RECQL5: variants seen among roughly 807,000 people sequenced by gnomAD.
RECQL5 encodes the protein RecQ like helicase 5, also known as ATP-dependent DNA helicase Q5.
Under a neutral mutation model 103.4 loss-of-function variants are expected in RECQL5, and 88 were observed. The observed-to-expected ratio is 0.85, with a 90% CI of 0.72 to 1.02. The LOEUF (loss-of-function observed/expected upper bound fraction) is 1.02, where lower values mean the gene tolerates loss of function less well. RECQL5 is among the 50% of genes least tolerant of loss of function. The pLI is 0.00. For missense variants in RECQL5, 1,232 were observed against 1,284.3 expected (o/e 0.96, Z 0.62); for synonymous variants, 552 against 507.9 (o/e 1.09, Z -1.17).
chr17:75,630,218 A>G lies in RECQL5; in HGVS notation c.1778T>C (p.Val593Ala). Reference protein sequence around the residue: ...LEHETFRNAKVANLYKASVLK... With the variant: ...LEHETFRNAKAANLYKASVLK... ...CACGCTGGCCTTGTAGAGGTTGGCC[A>G]CCTTGGCGTTCCGGAATGTCTCATG... Residue 593 changes from valine to alanine, a missense_variant, in exon 14 of 20, where the codon GTG becomes GCG. Val to Ala is a moderately conservative substitution (Grantham distance 64, BLOSUM62 0). Coordinates refer to ENST00000317905, the MANE Select transcript of RECQL5 (RefSeq NM_004259.7). 1 of 1,558,904 alleles carries G rather than the reference A, an allele frequency of 6.4e-7. No individual in the cohort carries two copies. Among genetic ancestry groups the G allele is most frequent in the Non-Finnish European group, 8.7e-7 (1 of 1,150,568 alleles).
chr17:75,648,817 C>T (rs933179428), intron 8 of RECQL5: 2 of 151,708 alleles, frequency 1.3e-5, no homozygotes. Context: ...GGACTACAGG[C>T]ATGTGCCACC....
rs757746264 is a variant in RECQL5, at chr17:75,629,744, A to T, written c.1911T>A (p.Asn637Lys). The change falls in exon 15 of 20, where the codon AAT becomes AAA. Residue 637 changes from asparagine (N) to lysine (K), a missense_variant. Asn to Lys is a moderately conservative substitution (Grantham distance 94). Coordinates refer to ENST00000317905, the MANE Select transcript of RECQL5 (RefSeq NM_004259.7). ...GGGAGGCTGGTGGAATGTCATACTC[A>T]TTGGGCTCCGGGGGCTCAGCTTGGG... ...CSAQAEPPEP[N>K]EYDIPPASHV... The T allele has an allele frequency of 6.8e-6, 11 of 1,613,150 alleles. No homozygotes were observed.
intron 7 of RECQL5, among the ~76,000 whole-genome samples, chr17:75,652,015 T>C (rs966662090): frequency 2.6e-5 from 4 of 152,010 alleles, no homozygotes; most frequent in African/African-American, 9.7e-5. Context: ...TCACCTGGGG[T>C]CAAGAGTTCG....
At chr17:75,650,608 A>C in intron 8 of RECQL5, 2 of 1,603,834 alleles carry the variant, frequency 1.2e-6, no homozygotes, top group Non-Finnish European at 1.7e-6. Flanking sequence ...CAAAATGTAA[A>C]AACTCCTCCT....
At chr17:75,650,544 G>T in intron 8 of RECQL5, 2 of 1,506,328 alleles carry the variant, frequency 1.3e-6, no homozygotes, top group Non-Finnish European at 1.8e-6. Context: ...TCACGTCAGC[G>T]TCATCCGACA....
Position 75,660,972 on chromosome 17 carries a change from C to T in RECQL5, c.969G>A (p.Val323=). The change falls in exon 6 of 20, where the codon GTG becomes GTA. Residue 323 remains valine, a synonymous_variant. Transcript: ENST00000317905. ...IVATISFGMG[V]DKANVRFVAH... ...AAGCTCACCTGACATTGGCTTTATC[C>T]ACTCCCATCCCAAAACTAATGGTTG... is the stretch of plus-strand genomic sequence containing the variant. 1 of 1,613,760 alleles carries T rather than the reference C, an allele frequency of 6.2e-7. No homozygotes were observed. Among genetic ancestry groups the T allele is most frequent in the East Asian group, 2.2e-5 (1 of 44,888 alleles).
In RECQL5 at chr17:75,651,409, G is replaced by A. The variant is rs570772157; in HGVS notation, c.1150-144C>T. Reference sequence around the variant, plus strand: ...GGCTGAGCCAGGAGGATCATTTGAGGTCAGGAGTTCGAGACCAGCCTGACC... The same window carrying A: ...GGCTGAGCCAGGAGGATCATTTGAGATCAGGAGTTCGAGACCAGCCTGACC... On this transcript the variant is annotated intron_variant, in intron 7 of 19. Coordinates refer to ENST00000317905, the MANE Select transcript of RECQL5 (RefSeq NM_004259.7). 22 of 918,870 alleles carry A rather than the reference G, an allele frequency of 2.4e-5. No homozygotes were observed. The South Asian group carries it at 2.9e-4, about 12-fold the overall frequency. The allele number at this position is 918,870 out of a possible 1,614,324, so 56.9% of individuals were successfully genotyped here.
At chr17:75,662,117 C>A (rs1193150714) in intron 4 of RECQL5, among the ~76,000 whole-genome samples, 1 of 151,978 alleles carries the variant, frequency 6.6e-6, no homozygotes, top group African/African-American at 2.4e-5. Flanking sequence ...GCCAAGATTG[C>A]GCCATTGCAC....
intron 13 of RECQL5, 147 bp downstream of exon 13, chr17:75,630,472 G>C: frequency 1.0e-6 from 1 of 959,300 alleles, no homozygotes; most frequent in Non-Finnish European, 1.6e-6. Context: ...GCCTGGCCCT[G>C]GTGGGGTTGT....
In RECQL5 at chr17:75,630,627, G is replaced by C; in HGVS notation, c.1710C>G (p.Thr570=). 6.2e-7 allele frequency: 1 copy of C among 1,613,596 alleles called. No homozygotes were observed. The highest frequency in any genetic ancestry group is 8.5e-7 in the Non-Finnish European group (1 of 1,179,776). Residue 570 remains threonine (T), a synonymous_variant, in exon 13 of 20, where the codon ACC becomes ACG. Transcript: ENST00000317905. ...GTGATCGTGGAACTCACTCATCAGC[G>C]GTACGTGTTGACTGGCGGTTGCTGC... ...ALSSNRQSTR[T]ADEADLRAKA...
Position 75,662,615 on chromosome 17 carries a change from G to A in RECQL5, c.635C>T (p.Pro212Leu). The A allele has an allele frequency of 6.2e-7, 1 of 1,614,164 alleles. No homozygotes were observed. ...GCAGGGAGTCTTGAAGATGGCAACT[G>A]GTTTCTTCAGGTGCAGGGCAGCAAA... Reference protein sequence around the residue: ...DVFAALHLKKPVAIFKTPCFR... With the variant: ...DVFAALHLKKLVAIFKTPCFR... Residue 212 changes from proline to leucine, a missense_variant, in exon 4 of 20, where the codon CCA becomes CTA. By Grantham distance (98) the Pro-to-Leu change is moderately conservative (BLOSUM62 -3). Transcript: ENST00000317905.
In RECQL5 at chr17:75,629,712, TAC is replaced by T; in HGVS notation, c.1941_1942del (p.Tyr648LeufsTer55). 1 of 1,608,948 alleles carries T rather than the reference TAC, an allele frequency of 6.2e-7. No individual in the cohort carries two copies. The highest frequency in any genetic ancestry group is 8.5e-7 in the Non-Finnish European group (1 of 1,176,340). On this transcript the variant is annotated frameshift_variant, in exon 15 of 20. Transcript: ENST00000317905. LOFTEE classifies it high-confidence loss of function. Reference sequence around the variant, plus strand: ...GGCCACTGGGCCACAGCTCACCGAGTACACATGGGAGGCTGGTGGAATGTCAT... The same window carrying T: ...GGCCACTGGGCCACAGCTCACCGAGTACATGGGAGGCTGGTGGAATGTCAT...
intron 8 of RECQL5, among the ~76,000 whole-genome samples, chr17:75,632,776 T>C (rs1299983485): frequency 1.3e-5 from 2 of 152,218 alleles, no homozygotes; most frequent in East Asian, 1.9e-4. Flanking sequence ...TAAACAGCCA[T>C]TCCTGCCACC....
rs142333850 is a variant in RECQL5, at chr17:75,667,144, G to T, written c.-115C>A. ...AACCCCAACTCAGAGAAGCCAAAGCGCTGGGAATTCAGCTTTAGGCAGAAC... is the reference window on the plus strand; with the variant it reads ...AACCCCAACTCAGAGAAGCCAAAGCTCTGGGAATTCAGCTTTAGGCAGAAC... On this transcript the variant is annotated 5_prime_UTR_variant, in exon 1 of 20. Coordinates refer to ENST00000317905, the MANE Select transcript of RECQL5 (RefSeq NM_004259.7). The T allele has an allele frequency of 1.8e-6, 1 of 558,498 alleles. No homozygotes were observed. Among genetic ancestry groups the T allele is most frequent in the Non-Finnish European group, 3.2e-6 (1 of 314,170 alleles). The allele number at this position is 558,498 out of a possible 1,614,324, so 34.6% of individuals were successfully genotyped here.
chr17:75,650,162 G>T, intron 8 of RECQL5: 1 of 986,838 alleles, frequency 1.0e-6, no homozygotes, highest in Non-Finnish European at 1.2e-6. Context: ...TATTAATTGT[G>T]CTTGAAAAGG....
chr17:75,628,504 T>G lies in RECQL5; in HGVS notation c.2581-62A>C, dbSNP rs549306508. 7.4e-4 allele frequency: 1,165 copies of G among 1,567,828 alleles called. 5 individuals carry two copies. The Middle Eastern group carries it at 8.0e-3, about 11-fold the overall frequency. On this transcript the variant is annotated intron_variant, in intron 17 of 19. Coordinates refer to ENST00000317905, the MANE Select transcript of RECQL5 (RefSeq NM_004259.7). ...CCCTTCCACTGGCCTGCTCCCCTCC[T>G]CCAGAAGACTGGGTCCCCGCACCAG...
At chr17:75,647,564 G>A (rs1391861892) in intron 8 of RECQL5, 3 of 1,549,932 alleles carry the variant, frequency 1.9e-6, no homozygotes, top group Non-Finnish European at 2.6e-6. Flanking sequence ...GAAGAGGAGT[G>A]ACCTGACTTG....
intron 8 of RECQL5, chr17:75,633,795 C>T: frequency 9.9e-7 from 1 of 1,009,028 alleles, no homozygotes; most frequent in Non-Finnish European, 1.2e-6. Context: ...TCCTCCTGGC[C>T]AGGAAGGCAG....
At chr17:75,631,732 C>A (rs150795697) in intron 8 of RECQL5, 64 bp from the exon 9 acceptor site, 3 of 1,554,738 alleles carry the variant, frequency 1.9e-6, no homozygotes, top group South Asian at 2.3e-5. Context: ...TCTGTTCACC[C>A]GAGCCTGAAT....
Sources: allele counts gnomAD v4.1 joint callset (sites outside exome capture counted in the v4.1 genomes callset), GRCh38; gene constraint gnomAD v4.1.1; transcripts MANE v1.5; gene names NCBI Gene and HGNC (gene_info 2026-07-23, HGNC 2026-07-21).